TRIM5: variants seen among roughly 807,000 people sequenced by gnomAD.
The protein encoded by TRIM5 is tripartite motif containing 5.
Under a neutral mutation model 35.6 loss-of-function variants are expected in TRIM5, and 31 were observed. The observed-to-expected ratio is 0.87, with a 90% CI of 0.65 to 1.18. The LOEUF is 1.18. Ranked by LOEUF, TRIM5 falls within the 50% of genes most tolerant of loss-of-function variation. TRIM5 has a pLI of 0.00. For missense variants in TRIM5, 609 were observed against 591.6 expected, an observed-to-expected ratio of 1.03 and a Z score of -0.31; for synonymous variants, 243 against 215.6, an observed-to-expected ratio of 1.13 and a Z score of -1.11.
the TRIM5 span, chr11:5,604,507 T>G: frequency 6.2e-7 from 1 of 1,604,298 alleles, no homozygotes; most frequent in Non-Finnish European, 8.5e-7. Context: ...GGCTTGATCC[T>G]GCTTGACCTG....
chr11:5,638,183 A>G, the TRIM5 span, among the ~76,000 whole-genome samples: 1 of 152,242 alleles, frequency 6.6e-6, no homozygotes, highest in East Asian at 1.9e-4. Context: ...CATTGCAGTG[A>G]AGGGAAGTTC....
At chr11:5,630,386 C>G in the TRIM5 span, among the ~76,000 whole-genome samples, 3 of 152,070 alleles carry the variant, frequency 2.0e-5, no homozygotes, top group Non-Finnish European at 4.4e-5. Flanking sequence ...TTAACTTGTC[C>G]TGCATCCTCC....
chr11:5,605,532 C>T, the TRIM5 span: 21 of 1,613,906 alleles, frequency 1.3e-5, no homozygotes, highest in Non-Finnish European at 1.5e-5. Context: ...GGATCTGGAG[C>T]GTCGATGTCA....
the TRIM5 span, chr11:5,643,565 A>T: frequency 6.2e-7 from 1 of 1,614,200 alleles, no homozygotes; most frequent in East Asian, 2.2e-5. Flanking sequence ...ACTATGAAGC[A>T]GGCATTGTCT....
At chr11:5,610,079 G>C in the TRIM5 span, 1 of 1,552,534 alleles carries the variant, frequency 6.4e-7, no homozygotes, top group Non-Finnish European at 8.9e-7. Flanking sequence ...TGGGAGGTAA[G>C]GGAGATGGGT....
At chr11:5,609,604 C>T in the TRIM5 span, among the ~76,000 whole-genome samples, 3 of 152,036 alleles carry the variant, frequency 2.0e-5, no homozygotes, top group Non-Finnish European at 4.4e-5. Context: ...AAAACAACAA[C>T]AGAAAAACAA....
chr11:5,677,297 A>G (rs1171130450), intron 4 of TRIM5, among the ~76,000 whole-genome samples: 1 of 152,220 alleles, frequency 6.6e-6, no homozygotes, highest in Admixed American at 6.5e-5. Flanking sequence ...GGCGAAGGAC[A>G]TGAACAGACA....
At chr11:5,590,652 G>A in the TRIM5 span, 1 of 152,206 alleles carries the variant, frequency 6.6e-6, no homozygotes, top group African/African-American at 2.4e-5. Flanking sequence ...CCAATCAGCA[G>A]GATGTGGGTG....
At chr11:5,678,487 T>C in intron 3 of TRIM5, 53 bp from the exon 4 acceptor site, 1 of 1,417,774 alleles carries the variant, frequency 7.1e-7, no homozygotes, top group Non-Finnish European at 9.5e-7. Flanking sequence ...GCAGAGGCTG[T>C]TAGCCAGAAA....
the TRIM5 span, chr11:5,610,339 T>G: frequency 6.3e-7 from 1 of 1,588,414 alleles, no homozygotes; most frequent in Admixed American, 1.7e-5. Context: ...TTGAGCATAG[T>G]GGCAAAGAGG....
the TRIM5 span, chr11:5,603,608 A>C: frequency 1.2e-6 from 2 of 1,613,722 alleles, no homozygotes; most frequent in Middle Eastern, 1.6e-4. Flanking sequence ...CTTTGTGCAG[A>C]CCATGGAGAA....
the TRIM5 span, among the ~76,000 whole-genome samples, chr11:5,652,852 CTTTTT>C: frequency 7.0e-6 from 1 of 143,656 alleles, no homozygotes; most frequent in Non-Finnish European, 1.5e-5. Context: ...TTTTCTTTTT[CTTTTT>C]TTTTTTTTTT....
In TRIM5 at chr11:5,680,049, G is replaced by A; in HGVS notation, c.129C>T (p.His43=). The change falls in exon 2 of 8, where the codon CAC becomes CAT. Residue 43 remains histidine, a synonymous_variant. Coordinates refer to ENST00000380034, the MANE Select transcript of TRIM5 (RefSeq NM_033034.3). ...SFCQACLTAN[H]KKSMLDKGES... ...CTCCTTTGTCTAGCATGGACTTCTT[G>A]TGGTTTGCAGTGAGGCATGCTTGGC... 1 of 1,614,134 alleles carries A rather than the reference G, an allele frequency of 6.2e-7. No individual in the cohort carries two copies. The highest frequency in any genetic ancestry group is 1.1e-5 in the South Asian group (1 of 91,074).
the TRIM5 span, among the ~76,000 whole-genome samples, chr11:5,656,153 T>A: frequency 2.0e-5 from 3 of 152,088 alleles, no homozygotes; most frequent in African/African-American, 7.2e-5. Context: ...AACTGACAAA[T>A]GGGATCTAAT....
chr11:5,638,274 A>G, the TRIM5 span, among the ~76,000 whole-genome samples: 19 of 152,374 alleles, frequency 1.2e-4, no homozygotes, highest in African/African-American at 4.6e-4. Context: ...ATCTGAGAAT[A>G]CAGTCAAAAT....
chr11:5,610,681 T>C, the TRIM5 span: 1 of 1,569,376 alleles, frequency 6.4e-7, no homozygotes. Flanking sequence ...GCCATATAGT[T>C]CCAGTTCCTC....
chr11:5,655,476 A>G, the TRIM5 span, among the ~76,000 whole-genome samples: 1 of 152,216 alleles, frequency 6.6e-6, no homozygotes, highest in Non-Finnish European at 1.5e-5. Context: ...TCCAAATAGA[A>G]ATAAGTAGGT....
In TRIM5 at chr11:5,665,649, T is replaced by C; in HGVS notation, c.895+7A>G. On this transcript the variant is annotated splice_region_variant and intron_variant, in intron 7 of 7. Coordinates refer to ENST00000380034, the MANE Select transcript of TRIM5 (RefSeq NM_033034.3). ...GGGTGGCTTATGATAATGTGACTTC[T>C]CCTTACCCCAGTAGCGTCGGACATC... 6.4e-7 allele frequency: 1 copy of C among 1,553,156 alleles called. No homozygotes were observed.
At chr11:5,677,973 T>G (rs547188791) in intron 4 of TRIM5, 3 of 405,814 alleles carry the variant, frequency 7.4e-6, no homozygotes, top group Non-Finnish European at 1.3e-5. Context: ...CTAGAGCTAA[T>G]TGATCATCTC....
Sources: gnomAD v4.1 joint callset for allele counts (sites outside exome capture counted in the v4.1 genomes callset) on GRCh38, gnomAD v4.1.1 for gene constraint, MANE v1.5 for transcripts, NCBI Gene and HGNC (gene_info 2026-07-23, HGNC 2026-07-21) for gene names.